PRELID2: variants seen among roughly 807,000 people sequenced by gnomAD.
PRELID2 encodes the protein PRELI domain containing 2.
Under a neutral mutation model 28.4 loss-of-function variants are expected in PRELID2, and 25 were observed. The ratio of observed to expected loss-of-function variants is 0.88; its 90% CI spans 0.64 to 1.23. PRELID2 has a LOEUF of 1.23. Ranked by LOEUF, PRELID2 falls within the 50% of genes most tolerant of loss-of-function variation. The pLI, the probability that PRELID2 is intolerant of heterozygous loss-of-function variation, is 0.00. For synonymous variants in PRELID2, 76 were observed against 71.6 expected (o/e 1.06, Z -0.31); for missense variants, 201 against 214.4 (o/e 0.94, Z 0.39).
At chr5:145,519,815 CA>C (rs1045622939) in intron 1 of PRELID2, among the ~76,000 whole-genome samples, 1 of 152,024 alleles carries the variant, frequency 6.6e-6, no homozygotes, top group African/African-American at 2.4e-5. Flanking sequence ...TTTTATATTA[CA>C]AAAAAATTAA....
At chr5:145,793,001 C>A (rs566658469) in intron 5 of PRELID2, among the ~76,000 whole-genome samples, 2 of 152,178 alleles carry the variant, frequency 1.3e-5, no homozygotes, top group Non-Finnish European at 2.9e-5. Flanking sequence ...AAGTTCAGAA[C>A]CACTCCGTTT....
intron 1 of PRELID2, among the ~76,000 whole-genome samples, chr5:145,739,853 C>T (rs1274068816): frequency 6.6e-6 from 1 of 151,110 alleles, no homozygotes; most frequent in African/African-American, 2.4e-5. Flanking sequence ...AAACAATTTA[C>T]TCAAAACCAT....
At chr5:145,395,269 C>T in the PRELID2 span, among the ~76,000 whole-genome samples, 4 of 152,102 alleles carry the variant, frequency 2.6e-5, no homozygotes, top group Non-Finnish European at 1.5e-5. Flanking sequence ...GACTTCGGAA[C>T]TCCAAAAAGG....
intron 1 of PRELID2, among the ~76,000 whole-genome samples, chr5:145,624,127 A>AT (rs1753812670): frequency 6.6e-6 from 1 of 152,226 alleles, no homozygotes; most frequent in African/African-American, 2.4e-5. Flanking sequence ...GGGCACACAC[A>AT]TAAGGCAATA....
At chr5:145,727,321 C>T (rs1394114627) in intron 1 of PRELID2, among the ~76,000 whole-genome samples, 1 of 152,062 alleles carries the variant, frequency 6.6e-6, no homozygotes, top group Non-Finnish European at 1.5e-5. Flanking sequence ...ATGCCCTGGG[C>T]TTAGATTATG....
At chr5:145,504,706 T>G (rs953643743) in intron 1 of PRELID2, among the ~76,000 whole-genome samples, 2 of 152,196 alleles carry the variant, frequency 1.3e-5, no homozygotes, top group Non-Finnish European at 2.9e-5. Context: ...TAATCACCTT[T>G]TCAAAATTCC....
the PRELID2 span, among the ~76,000 whole-genome samples, chr5:145,402,412 A>G: frequency 6.6e-6 from 1 of 152,316 alleles, no homozygotes; most frequent in Non-Finnish European, 1.5e-5. Flanking sequence ...TATATATGAA[A>G]CATGTGCCCT....
At chr5:145,584,577 C>CA (rs1253367540) in intron 1 of PRELID2, among the ~76,000 whole-genome samples, 1 of 151,784 alleles carries the variant, frequency 6.6e-6, no homozygotes, top group Non-Finnish European at 1.5e-5. Flanking sequence ...GGAATTTAAA[C>CA]AAATTTACAA....
the PRELID2 span, among the ~76,000 whole-genome samples, chr5:145,447,082 T>TAAATAAATAAATAAAA: frequency 1.2e-3 from 188 of 150,692 alleles, 2 homozygotes; most frequent in African/African-American, 3.6e-3. Context: ...AATAAATAAA[T>TAAATAAATAAATAAAA]AAAAATTTAA....
At chr5:145,280,398 G>A in the PRELID2 span, among the ~76,000 whole-genome samples, 2 of 152,048 alleles carry the variant, frequency 1.3e-5, no homozygotes, top group South Asian at 2.1e-4. Context: ...CTACTCAATC[G>A]TAAATTTAAA....
At chr5:145,634,171 T>C (rs1336177182) in intron 1 of PRELID2, among the ~76,000 whole-genome samples, 1 of 152,182 alleles carries the variant, frequency 6.6e-6, no homozygotes, top group Non-Finnish European at 1.5e-5. Flanking sequence ...ACAACTGCAA[T>C]AGTCTCAAAG....
intron 5 of PRELID2, among the ~76,000 whole-genome samples, chr5:145,771,966 G>A (rs965081513): frequency 2.0e-5 from 3 of 152,132 alleles, no homozygotes; most frequent in African/African-American, 7.2e-5. Context: ...TCATCAAAAG[G>A]TAAGAGAATA....
Position 145,567,837 on chromosome 5 carries a change from TC to T in PRELID2, n.71-94523del, listed in dbSNP as rs1193226218. Reference sequence around the variant, plus strand: ...GAACTGCGAGTCGATTAAACTTCTTTCCTTTCTAAATTGTGTAATCTCAGGT... The same window carrying T: ...GAACTGCGAGTCGATTAAACTTCTTTCTTTCTAAATTGTGTAATCTCAGGT... On this transcript the variant is annotated intron_variant and non_coding_transcript_variant, in intron 1 of 2. Coordinates refer to the PRELID2 transcript ENST00000510259. Among the ~76,000 whole-genome samples the T allele has an allele frequency of 5.3e-5, 8 of 152,356 alleles. No individual in the cohort carries two copies. The East Asian group carries it at 7.7e-4, about 15-fold the overall frequency.
the PRELID2 span, among the ~76,000 whole-genome samples, chr5:145,382,340 ATAGT>A: frequency 2.6e-5 from 4 of 152,094 alleles, no homozygotes; most frequent in South Asian, 2.1e-4. Flanking sequence ...TAGAACAAAA[ATAGT>A]TAATCAATTA....
the PRELID2 span, chr5:145,451,010 T>C: frequency 3.0e-4 from 46 of 152,310 alleles, no homozygotes; most frequent in African/African-American, 1.0e-3. Flanking sequence ...ATTGGCAAGT[T>C]GAAGTATATT....
At chr5:145,330,283 C>T in the PRELID2 span, among the ~76,000 whole-genome samples, 1 of 152,228 alleles carries the variant, frequency 6.6e-6, no homozygotes, top group African/African-American at 2.4e-5. Context: ...TGATGTTTGC[C>T]TCATAAAATG....
At chr5:145,413,414 C>G in the PRELID2 span, among the ~76,000 whole-genome samples, 1 of 152,104 alleles carries the variant, frequency 6.6e-6, no homozygotes, top group Non-Finnish European at 1.5e-5. Flanking sequence ...ATATGGAAAA[C>G]AGTATGGAGA....
chr5:145,829,176 T>C (rs1262610310), intron 1 of PRELID2, among the ~76,000 whole-genome samples: 3 of 152,122 alleles, frequency 2.0e-5, no homozygotes, highest in South Asian at 2.1e-4. Context: ...GCTTGGATTA[T>C]AGGCATGAGC....
At chr5:145,448,926 G>A in the PRELID2 span, among the ~76,000 whole-genome samples, 1 of 152,108 alleles carries the variant, frequency 6.6e-6, no homozygotes, top group Non-Finnish European at 1.5e-5. Context: ...TCAGTTGCAA[G>A]TGACAGAAAA....
Sources: allele counts gnomAD v4.1 joint callset (sites outside exome capture counted in the v4.1 genomes callset), GRCh38; gene constraint gnomAD v4.1.1; transcripts MANE v1.5; gene names NCBI Gene and HGNC (gene_info 2026-07-23, HGNC 2026-07-21).